The following PRKN variants were observed in gnomAD, a reference collection of about 807,000 sequenced individuals.
PRKN encodes E3 ubiquitin-protein ligase parkin.
PRKN carries 56 observed loss-of-function variants against 59.5 expected under a neutral mutation model. That is an observed-to-expected ratio of 0.94 (90% CI 0.76 to 1.18). The LOEUF is 1.18. Ranked by LOEUF, PRKN falls within the 50% of genes most tolerant of loss-of-function variation. The pLI is 0.00. For synonymous variants in PRKN, 250 were observed against 222.1 expected (o/e 1.13, Z -1.12); for missense variants, 657 against 596.4 (o/e 1.10, Z -1.06).
At chr6:161,966,967 G>A (rs991657408) in intron 6 of PRKN, among the ~76,000 whole-genome samples, 2 of 152,116 alleles carry the variant, frequency 1.3e-5, no homozygotes, top group Non-Finnish European at 2.9e-5. Flanking sequence ...AAGTAGGTGG[G>A]ACTACAGGTG....
At chr6:162,409,482 C>A (rs551917846) in intron 2 of PRKN, among the ~76,000 whole-genome samples, 1 of 152,016 alleles carries the variant, frequency 6.6e-6, no homozygotes, top group African/African-American at 2.4e-5. Flanking sequence ...GTAGCACACC[C>A]CACCCTCACC....
intron 1 of PRKN, among the ~76,000 whole-genome samples, chr6:162,614,613 T>C (rs1782326359): frequency 6.6e-6 from 1 of 152,118 alleles, no homozygotes; most frequent in Non-Finnish European, 1.5e-5. Flanking sequence ...GTGGTCTAAA[T>C]CAAATAAATG....
intron 3 of PRKN, among the ~76,000 whole-genome samples, chr6:162,242,837 C>G (rs924571908): frequency 6.6e-6 from 1 of 152,012 alleles, no homozygotes; most frequent in African/African-American, 2.4e-5. Flanking sequence ...ACCTTATTAC[C>G]GTAGAAAACT....
Position 161,544,548 on chromosome 6 carries a change from T to G in PRKN, c.1083+4306A>C, listed in dbSNP as rs73017375. 6.6e-6 allele frequency among the ~76,000 whole-genome samples: 1 copy of G among 152,068 alleles called. No individual in the cohort carries two copies. The highest frequency in any genetic ancestry group is 2.4e-5 in the African/African-American group (1 of 41,404). The stretch of plus-strand genomic sequence containing the variant: ...TTCATTCATTCATTCATTCATACAT[T>G]TGATGAATGTTAAACACCAAATACA... On this transcript the variant is annotated intron_variant, in intron 9 of 11. Transcript: ENST00000366898. This position sits in a 1 kb window ranked among gnomAD's most constrained non-coding sequence, Gnocchi z 5.5.
At chr6:162,384,458 A>AG (rs1786672933) in intron 2 of PRKN, among the ~76,000 whole-genome samples, 1 of 152,124 alleles carries the variant, frequency 6.6e-6, no homozygotes, top group Non-Finnish European at 1.5e-5. Flanking sequence ...GTAAGGGAGC[A>AG]GTTCATCGCA....
At chr6:161,735,282 C>T (rs1313727887) in intron 7 of PRKN, among the ~76,000 whole-genome samples, 1 of 152,130 alleles carries the variant, frequency 6.6e-6, no homozygotes, top group Non-Finnish European at 1.5e-5. Context: ...TAACCTCTCC[C>T]CTTCTTCCTC....
intron 5 of PRKN, among the ~76,000 whole-genome samples, chr6:162,021,147 TA>T (rs1161740100): frequency 0.1 from 1,361 of 13,108 alleles, 119 homozygotes; most frequent in Middle Eastern, 0.17. Flanking sequence ...TATATATATA[TA>T]TATATATATA....
intron 4 of PRKN, among the ~76,000 whole-genome samples, chr6:162,192,331 T>C (rs1784313604): frequency 1.3e-5 from 2 of 151,808 alleles, no homozygotes; most frequent in South Asian, 2.1e-4. Context: ...CATAATGATA[T>C]GCATATGTGA....
intron 2 of PRKN, among the ~76,000 whole-genome samples, chr6:162,378,295 T>A (rs1786233137): frequency 6.6e-6 from 1 of 152,236 alleles, no homozygotes; most frequent in Non-Finnish European, 1.5e-5. Context: ...TTTTTCTGTC[T>A]CTCGTTCTTC....
intron 4 of PRKN, among the ~76,000 whole-genome samples, chr6:162,185,518 AGGTTCCGGT>A (rs1783988215): frequency 6.6e-6 from 1 of 152,214 alleles, no homozygotes; most frequent in Non-Finnish European, 1.5e-5. Context: ...TTAGGTCAAG[AGGTTCCGGT>A]GTTATCTGCG....
At chr6:161,569,217 T>A in intron 8 of PRKN, 138 bp downstream of exon 8, 2 of 748,480 alleles carry the variant, frequency 2.7e-6, no homozygotes, top group South Asian at 2.8e-5. Flanking sequence ...CTCACACATA[T>A]CTCCAGCATG....
rs1400547296 is a variant in PRKN, at chr6:161,396,609, TA to T, written c.1084-9733del. ...CACAGCATATGTCTTCTATAATTTT[TA>T]ACTGGTCCCTAATCCTCGTGACCTT... On this transcript the variant is annotated intron_variant, in intron 9 of 11. Coordinates refer to ENST00000366898, the MANE Select transcript of PRKN (RefSeq NM_004562.3). The surrounding 1 kb of genome is among the most constrained non-coding windows in gnomAD (Gnocchi z 5.4). Among the ~76,000 whole-genome samples the T allele has an allele frequency of 6.6e-6, 1 of 152,182 alleles. No individual in the cohort carries two copies. The highest frequency in any genetic ancestry group is 2.4e-5 in the African/African-American group (1 of 41,414).
intron 2 of PRKN, among the ~76,000 whole-genome samples, chr6:162,397,958 G>A (rs1351960639): frequency 6.7e-6 from 1 of 149,670 alleles, no homozygotes; most frequent in African/African-American, 2.5e-5. Context: ...AACCACTTGA[G>A]CCTAGTACCT....
At chr6:161,913,312 A>C (rs1778437283) in intron 6 of PRKN, among the ~76,000 whole-genome samples, 1 of 152,206 alleles carries the variant, frequency 6.6e-6, no homozygotes, top group Non-Finnish European at 1.5e-5. Context: ...TAACGTCTTA[A>C]ATATGAAAAA....
intron 6 of PRKN, among the ~76,000 whole-genome samples, chr6:161,918,256 G>A (rs892761987): frequency 6.6e-5 from 10 of 152,164 alleles, no homozygotes; most frequent in Admixed American, 1.3e-4. Flanking sequence ...CATCGTCATT[G>A]CTTCAATTTG....
At chr6:162,492,582 T>C (rs1792864630) in intron 1 of PRKN, among the ~76,000 whole-genome samples, 1 of 151,964 alleles carries the variant, frequency 6.6e-6, no homozygotes, top group African/African-American at 2.4e-5. Context: ...GTGGATTGCC[T>C]GAGGTCAGGA....
chr6:162,210,421 C>T (rs1785156582), intron 3 of PRKN, among the ~76,000 whole-genome samples: 2 of 152,146 alleles, frequency 1.3e-5, no homozygotes, highest in Admixed American at 6.6e-5. Context: ...AACTCAAGCT[C>T]CTCCCACGGA....
At chr6:161,877,808 G>A (rs1009652755) in intron 6 of PRKN, among the ~76,000 whole-genome samples, 4 of 152,056 alleles carry the variant, frequency 2.6e-5, no homozygotes, top group African/African-American at 4.8e-5. Flanking sequence ...AAGAGTGACC[G>A]AAGAGAGAAT....
intron 4 of PRKN, among the ~76,000 whole-genome samples, chr6:162,172,384 C>T (rs1783324218): frequency 6.6e-6 from 1 of 152,140 alleles, no homozygotes; most frequent in African/African-American, 2.4e-5. Context: ...GAGTGATGTT[C>T]CATTGTTTCG....
Sources: gnomAD v4.1 joint callset for allele counts (sites outside exome capture counted in the v4.1 genomes callset) on GRCh38, gnomAD v4.1.1 for gene constraint, Gnocchi (gnomAD v3.1) non-coding constraint, MANE v1.5 for transcripts, NCBI Gene and HGNC (gene_info 2026-07-23, HGNC 2026-07-21) for gene names.